The following PRPF6 variants were observed in gnomAD, a reference collection of about 807,000 sequenced individuals.
The protein encoded by PRPF6 is pre-mRNA-processing factor 6.
A neutral mutation model predicts 118.3 loss-of-function variants in PRPF6; 42 were observed. The ratio of observed to expected loss-of-function variants is 0.35; its 90% CI spans 0.28 to 0.46. The LOEUF (loss-of-function observed/expected upper bound fraction) is 0.46, where lower values mean the gene tolerates loss of function less well. Among genes scored for constraint, PRPF6 ranks in the 20% least tolerant of loss-of-function variants. PRPF6 has a pLI of 1.00. For synonymous variants in PRPF6, 481 were observed against 485.1 expected, an observed-to-expected ratio of 0.99 and a Z score of 0.11; for missense variants, 662 against 1,255.7, an observed-to-expected ratio of 0.53 and a Z score of 7.15.
intron 12 of PRPF6, among the ~76,000 whole-genome samples, chr20:64,019,394 T>A (rs2059253313): frequency 6.6e-6 from 1 of 152,070 alleles, no homozygotes; most frequent in South Asian, 2.1e-4. Flanking sequence ...CCTGTTTTTC[T>A]CTTATTATTT....
At chr20:63,997,288 C>CTTTTTT (rs928046111) in intron 6 of PRPF6, among the ~76,000 whole-genome samples, 4 of 112,666 alleles carry the variant, frequency 3.6e-5, no homozygotes, top group Non-Finnish European at 5.4e-5. Context: ...TCAGCATGTT[C>CTTTTTT]TTTTTTTTTT....
chr20:64,025,425 C>T (rs1179175312), intron 14 of PRPF6, among the ~76,000 whole-genome samples: 1 of 152,240 alleles, frequency 6.6e-6, no homozygotes, highest in Admixed American at 6.5e-5. Context: ...TGCGTGTCCA[C>T]TGGGCTCTGG....
intron 3 of PRPF6, among the ~76,000 whole-genome samples, chr20:63,987,758 G>A (rs2059101162): frequency 6.6e-6 from 1 of 152,202 alleles, no homozygotes. Flanking sequence ...TAAAGTTGCA[G>A]GCTATGCCCC....
At chr20:64,020,405 G>T (rs1242551354) in intron 12 of PRPF6, among the ~76,000 whole-genome samples, 1 of 152,006 alleles carries the variant, frequency 6.6e-6, no homozygotes, top group Non-Finnish European at 1.5e-5. Context: ...GACAAAGCGA[G>T]ACTCTGTCTT....
At chr20:63,981,702 C>T (rs2059069445) in intron 1 of PRPF6, among the ~76,000 whole-genome samples, 1 of 140,970 alleles carries the variant, frequency 7.1e-6, no homozygotes, top group African/African-American at 2.6e-5. Flanking sequence ...TCTATGCCTG[C>T]AACACAGATG....
At chr20:64,030,146 A>AC (rs1252899205) in intron 19 of PRPF6, among the ~76,000 whole-genome samples, 1 of 152,106 alleles carries the variant, frequency 6.6e-6, no homozygotes, top group East Asian at 1.9e-4. Flanking sequence ...GCCATCCCCG[A>AC]CCCCCAGGGT....
chr20:64,010,298 T>C lies in PRPF6; in HGVS notation c.1285T>C (p.Cys429Arg). 1.9e-6 allele frequency: 3 copies of C among 1,613,638 alleles called. No homozygotes were observed. Among genetic ancestry groups the C allele is most frequent in the Non-Finnish European group, 2.5e-6 (3 of 1,179,982 alleles). The change falls in exon 10 of 21, where the codon TGC (cysteine) becomes CGC (arginine). Residue 429 changes from cysteine to arginine, a missense_variant. Coordinates refer to ENST00000266079, the MANE Select transcript of PRPF6 (RefSeq NM_012469.4). ...ARIMLSRAVE[C>R]CPTSVELWLA... ...AATCATGCTGAGCCGAGCTGTGGAG[T>C]GCTGCCCCACCAGCGTGGAGGTGAG...
In PRPF6 at chr20:64,028,434, T is replaced by C. The variant is rs771091412; in HGVS notation, c.2340-44T>C. 6.2e-7 allele frequency: 1 copy of C among 1,600,334 alleles called. No homozygotes were observed. Among genetic ancestry groups the C allele is most frequent in the East Asian group, 2.2e-5 (1 of 44,780 alleles). ...TCCCAGAAGCTACCAGAATATGTGC[T>C]GTTGGTAGACGGCTGTGGGACCTCC... On this transcript the variant is annotated intron_variant, in intron 17 of 20. Coordinates refer to ENST00000266079, the MANE Select transcript of PRPF6 (RefSeq NM_012469.4). The surrounding 1 kb of genome is among the most constrained non-coding windows in gnomAD (Gnocchi z 6.5).
At position 64,011,607 on chromosome 20, in the gene PRPF6, T is replaced by C; in HGVS notation, c.1524+104T>C. The C allele has an allele frequency of 7.7e-7, 1 of 1,297,236 alleles. No individual in the cohort carries two copies. Among genetic ancestry groups the C allele is most frequent in the Non-Finnish European group, 1.1e-6 (1 of 928,792 alleles). 80.4% of individuals were successfully genotyped at this position (1,297,236 alleles called of 1,614,324 possible). On this transcript the variant is annotated intron_variant, in intron 11 of 20. Transcript: ENST00000266079. The surrounding 1 kb of genome is among the most constrained non-coding windows in gnomAD (Gnocchi z 6.7). Reference sequence around the variant, plus strand: ...GTTGCTGGATGGTACTGGGGAGTCCTGTGCCAAACCAGAAGCAGGCACAGG... The same window carrying C: ...GTTGCTGGATGGTACTGGGGAGTCCCGTGCCAAACCAGAAGCAGGCACAGG...
chr20:63,989,506 ATAACATTTATTCATAAGTCTAGAAAG>A (rs2059109329), intron 3 of PRPF6, among the ~76,000 whole-genome samples: 1 of 152,202 alleles, frequency 6.6e-6, no homozygotes, highest in African/African-American at 2.4e-5. Flanking sequence ...GGGTAAAAGC[ATAACATTTATTCATAAGTCTAGAAAG>A]TAACAGTTAA....
In PRPF6 at chr20:63,991,768, GAC is replaced by G. The variant is rs552973948; in HGVS notation, c.360-1637_360-1636del. The stretch of plus-strand genomic sequence containing the variant: ...TCGCACCACTGCATTCCAGCCTGGT[GAC>G]AGAGTGAGACTGTCTCAAAGAAAAA... On this transcript the variant is annotated intron_variant, in intron 3 of 20. Coordinates refer to ENST00000266079, the MANE Select transcript of PRPF6 (RefSeq NM_012469.4). 4.0e-5 allele frequency among the ~76,000 whole-genome samples: 6 copies of G among 151,784 alleles called. No individual in the cohort carries two copies. The South Asian group carries it at 1.2e-3, about 32-fold the overall frequency.
intron 11 of PRPF6, among the ~76,000 whole-genome samples, chr20:64,015,011 G>A (rs1363068109): frequency 6.6e-6 from 1 of 152,178 alleles, no homozygotes; most frequent in Admixed American, 6.5e-5. Flanking sequence ...TGGAGGTATT[G>A]AAATCCTTTG....
Position 64,008,543 on chromosome 20 carries a change from T to C in PRPF6, c.1187-1657T>C, listed in dbSNP as rs575448436. ...ATGGAGTTCTCCACAGCCTTTCAGC[T>C]CCTGCCTTTGGCAGTGGCTGGTGAC... is the stretch of plus-strand genomic sequence containing the variant. On this transcript the variant is annotated intron_variant, in intron 9 of 20. Coordinates refer to ENST00000266079, the MANE Select transcript of PRPF6 (RefSeq NM_012469.4). Among the ~76,000 whole-genome samples the C allele has an allele frequency of 7.4e-4, 112 of 152,332 alleles. 1 individual carries two copies. Among genetic ancestry groups the C allele is most frequent in the African/African-American group, 2.6e-3 (108 of 41,582 alleles).
chr20:63,995,843 G>T (rs992562277), intron 6 of PRPF6, among the ~76,000 whole-genome samples: 3 of 151,904 alleles, frequency 2.0e-5, no homozygotes, highest in African/African-American at 7.3e-5. Context: ...TTTTTGTAGA[G>T]ACGGGGTTTT....
chr20:63,996,383 G>T (rs1971940556), intron 6 of PRPF6, among the ~76,000 whole-genome samples: 1 of 152,028 alleles, frequency 6.6e-6, no homozygotes, highest in South Asian at 2.1e-4. Context: ...AATCATGGCT[G>T]GCTACATACA....
rs1407818085 is a variant in PRPF6, at chr20:64,027,946, C to T, written c.2339+210C>T. Among the ~76,000 whole-genome samples, 2 of 152,088 alleles carry T rather than the reference C, an allele frequency of 1.3e-5. No homozygotes were observed. Among genetic ancestry groups the T allele is most frequent in the African/African-American group, 2.4e-5 (1 of 41,408 alleles). On this transcript the variant is annotated intron_variant, in intron 17 of 20. Transcript: ENST00000266079. The surrounding 1 kb of genome is among the most constrained non-coding windows in gnomAD (Gnocchi z 6.5). ...TGACAGGCCTGTAGATGGTTTGATG[C>T]AGTTTAATTTGTGTTCTGATGGAGG...
Position 64,026,117 on chromosome 20 carries a change from C to T in PRPF6, c.2028+59C>T, listed in dbSNP as rs1342881425. 6.3e-7 allele frequency: 1 copy of T among 1,594,032 alleles called. No homozygotes were observed. Among genetic ancestry groups the T allele is most frequent in the Non-Finnish European group, 8.5e-7 (1 of 1,178,228 alleles). On this transcript the variant is annotated intron_variant, in intron 15 of 20. Transcript: ENST00000266079. This position sits in a 1 kb window ranked among gnomAD's most constrained non-coding sequence, Gnocchi z 4.4. ...GGTGCATGGTGTGCACATGCGGGCC[C>T]CACGCCTGGCTTGGGTGGTGATGGG...
chr20:64,011,093 A>G lies in PRPF6; in HGVS notation c.1306-192A>G, dbSNP rs570005605. Among the ~76,000 whole-genome samples the G allele has an allele frequency of 1.2e-4, 19 of 152,328 alleles. No individual in the cohort carries two copies. The highest frequency in any genetic ancestry group is 9.8e-4 in the Admixed American group (15 of 15,294). The stretch of plus-strand genomic sequence containing the variant: ...TGATGCTCACGAGAGTCACTAAATG[A>G]GTCAGAAGCATAAAGGAACAGTTGG... On this transcript the variant is annotated intron_variant, in intron 10 of 20. Coordinates refer to ENST00000266079, the MANE Select transcript of PRPF6 (RefSeq NM_012469.4). The surrounding 1 kb of genome is among the most constrained non-coding windows in gnomAD (Gnocchi z 6.7).
chr20:64,032,984 C>T lies in PRPF6; in HGVS notation c.2817C>T (p.Asn939=), dbSNP rs2059322384. The change falls in exon 21 of 21, where the codon AAC becomes AAT. Residue 939 remains asparagine, a synonymous_variant. Transcript: ENST00000266079. ...GGCTGGTGGCCGGCCGCATCAAGAA[C>T]ACCTTCTGATTGAGCGGTTGCCATG... ...ILRLVAGRIK[N]TF is the part of the protein sequence containing the mutation. 1 of 1,613,326 alleles carries T rather than the reference C, an allele frequency of 6.2e-7. No homozygotes were observed. The highest frequency in any genetic ancestry group is 8.5e-7 in the Non-Finnish European group (1 of 1,180,012).
Sources: allele counts gnomAD v4.1 joint callset (sites outside exome capture counted in the v4.1 genomes callset), GRCh38; gene constraint gnomAD v4.1.1; non-coding constraint Gnocchi (gnomAD v3.1); transcripts MANE v1.5; gene names NCBI Gene and HGNC (gene_info 2026-07-23, HGNC 2026-07-21).